The following ZDHHC6 variants were observed in gnomAD, a reference collection of about 807,000 sequenced individuals.
ZDHHC6 encodes the protein zDHHC palmitoyltransferase 6.
ZDHHC6 carries 32 observed loss-of-function variants against 57.8 expected under a neutral mutation model. That is an observed-to-expected ratio of 0.55 (90% CI 0.42 to 0.74). ZDHHC6 has a LOEUF of 0.74. Ranked by LOEUF, ZDHHC6 falls within the 30% of genes least tolerant of loss-of-function variation. The pLI is 0.00. For synonymous variants in ZDHHC6, 128 were observed against 158.0 expected (o/e 0.81, Z 1.42); for missense variants, 433 against 500.7 (o/e 0.86, Z 1.29).
rs1846551731 is a variant in ZDHHC6, at chr10:112,445,305, C to G, written c.132G>C (p.Leu44Phe). Residue 44 changes from leucine (L) to phenylalanine (F), a missense_variant, in exon 2 of 11, where the codon TTG becomes TTC. Transcript: ENST00000369405. ...CAGTTGTATGTAAGGGCCAATACCACAACACAGAGTCAATCATGGCCATGG... is the reference window on the plus strand; with the variant it reads ...CAGTTGTATGTAAGGGCCAATACCAGAACACAGAGTCAATCATGGCCATGG... ...CSTMAMIDSV[L>F]WYWPLHTTGG... The G allele has an allele frequency of 6.2e-7, 1 of 1,614,078 alleles. No individual in the cohort carries two copies. Among genetic ancestry groups the G allele is most frequent in the African/African-American group, 1.3e-5 (1 of 74,924 alleles).
chr10:112,447,375 T>C, upstream of ZDHHC6: 1 of 1,613,246 alleles, frequency 6.2e-7, no homozygotes, highest in Non-Finnish European at 8.5e-7. Flanking sequence ...GGAGCCGCCA[T>C]GTCGTCCGAC....
downstream of ZDHHC6, chr10:112,428,363 AACTATTACAGATACTT>A: frequency 2.5e-6 from 1 of 398,532 alleles, no homozygotes; most frequent in East Asian, 3.6e-5. Context: ...CTTTAAAATA[AACTATTACAGATACTT>A]ACGTTGTGGT....
upstream of ZDHHC6, chr10:112,447,124 C>T (rs1846852765): frequency 3.9e-6 from 2 of 512,028 alleles, no homozygotes; most frequent in Non-Finnish European, 7.1e-6. Context: ...CTAATTGGGG[C>T]GCTTTTCCTT....
At chr10:112,446,426 A>G (rs1300824118) in intron 1 of ZDHHC6, among the ~76,000 whole-genome samples, 2 of 152,084 alleles carry the variant, frequency 1.3e-5, no homozygotes, top group Non-Finnish European at 2.9e-5. Context: ...AGCTCCGGAG[A>G]GATTTGTGGA....
chr10:112,431,962 G>A (rs905399553), intron 10 of ZDHHC6, among the ~76,000 whole-genome samples: 2 of 152,054 alleles, frequency 1.3e-5, no homozygotes, highest in African/African-American at 2.4e-5. Context: ...GCCTACCTCC[G>A]AAGTATTTTG....
chr10:112,432,563 T>C, intron 8 of ZDHHC6, 42 bp from the exon 9 acceptor site: 1 of 1,584,904 alleles, frequency 6.3e-7, no homozygotes, highest in South Asian at 1.2e-5. Context: ...TATTCACCCA[T>C]GATATCTGAG....
In ZDHHC6 at chr10:112,430,553, C is replaced by A. The variant is rs146904721; in HGVS notation, c.*251G>T. 2.6e-3 allele frequency: 877 copies of A among 340,108 alleles called. 10 individuals are homozygous for A. Among genetic ancestry groups the A allele is most frequent in the African/African-American group, 0.011 (537 of 47,186 alleles). The allele number at this position is 340,108 out of a possible 1,614,324, so 21.1% of individuals were successfully genotyped here. On this transcript the variant is annotated 3_prime_UTR_variant, in exon 11 of 11. Transcript: ENST00000369405. The stretch of plus-strand genomic sequence containing the variant: ...AAAATCCTACAGAAAATGCCGTTAA[C>A]TTACTTGGATGAAATGTTTTTCCTT...
intron 4 of ZDHHC6, 53 bp downstream of exon 4, chr10:112,442,139 C>T: frequency 6.7e-7 from 1 of 1,503,230 alleles, no homozygotes; most frequent in Non-Finnish European, 8.9e-7. Context: ...TGATAACTAC[C>T]ATTTAATCTT....
chr10:112,428,717 G>T (rs1031774184), downstream of ZDHHC6, among the ~76,000 whole-genome samples: 2 of 151,762 alleles, frequency 1.3e-5, no homozygotes, highest in African/African-American at 4.8e-5. Context: ...CTTGCAGCGA[G>T]CCGAGATCGC....
upstream of ZDHHC6, chr10:112,447,524 G>C: frequency 6.3e-7 from 1 of 1,581,372 alleles, no homozygotes; most frequent in Non-Finnish European, 8.6e-7. Context: ...GGGTGCGGGC[G>C]GTGGAACGCC....
At chr10:112,438,737 T>C (rs896531180) in intron 5 of ZDHHC6, among the ~76,000 whole-genome samples, 1 of 152,190 alleles carries the variant, frequency 6.6e-6, no homozygotes, top group African/African-American at 2.4e-5. Context: ...TAATTTGCTA[T>C]TAAAATCTTT....
upstream of ZDHHC6, chr10:112,447,238 T>G (rs1846865947): frequency 1.1e-6 from 1 of 875,144 alleles, no homozygotes; most frequent in South Asian, 1.7e-5. Flanking sequence ...GCGGCTGGGT[T>G]GAGAGCTGTC....
downstream of ZDHHC6, chr10:112,427,578 G>T: frequency 2.8e-6 from 1 of 352,990 alleles, no homozygotes; most frequent in East Asian, 5.0e-5. Flanking sequence ...CTAATATTAA[G>T]GCTTCAGGGC....
downstream of ZDHHC6, among the ~76,000 whole-genome samples, chr10:112,429,715 A>G (rs1259019799): frequency 6.6e-6 from 1 of 152,226 alleles, no homozygotes; most frequent in African/African-American, 2.4e-5. Flanking sequence ...TCAAGGGTAC[A>G]TGAGTAGTTT....
At position 112,445,646 on chromosome 10, in the gene ZDHHC6, C is replaced by A; in HGVS notation, c.-210G>T. On this transcript the variant is annotated 5_prime_UTR_variant, in exon 2 of 11. Transcript: ENST00000369405. ...AGAATCCAGTGTCTTGGTCTGAAAC[C>A]CAACCTAAAGAAAACAAAATGGGAA... The A allele has an allele frequency of 1.7e-6, 1 of 583,312 alleles. No individual in the cohort carries two copies. The highest frequency in any genetic ancestry group is 2.9e-6 in the Non-Finnish European group (1 of 345,314). The allele number at this position is 583,312 out of a possible 1,614,324, so 36.1% of individuals were successfully genotyped here.
chr10:112,445,018 T>C (rs1846506454), intron 2 of ZDHHC6, 152 bp downstream of exon 2: 2 of 903,278 alleles, frequency 2.2e-6, no homozygotes, highest in South Asian at 4.1e-5. Context: ...AAATAAAGTC[T>C]CCGAGCCTAA....
chr10:112,428,303 C>G (rs924642330), downstream of ZDHHC6: 3 of 394,760 alleles, frequency 7.6e-6, no homozygotes, highest in African/African-American at 6.2e-5. Flanking sequence ...AGTTCCTGCT[C>G]TACCTTACCC....
At chr10:112,446,984 C>T, upstream of ZDHHC6, 2 of 244,168 alleles carry the variant, frequency 8.2e-6, no homozygotes, top group South Asian at 9.4e-5. Flanking sequence ...AACCTCCCTC[C>T]GGAAGCAAGC....
chr10:112,443,205 T>G (rs1846303677), intron 3 of ZDHHC6, among the ~76,000 whole-genome samples: 1 of 152,232 alleles, frequency 6.6e-6, no homozygotes, highest in Admixed American at 6.5e-5. Context: ...ACTAACACAA[T>G]TAATCTTGAT....
Sources: allele counts gnomAD v4.1 joint callset (sites outside exome capture counted in the v4.1 genomes callset), GRCh38; gene constraint gnomAD v4.1.1; transcripts MANE v1.5; gene names NCBI Gene and HGNC (gene_info 2026-07-23, HGNC 2026-07-21).